STIM1: variants seen among roughly 807,000 people sequenced by gnomAD.
STIM1 encodes the protein stromal interaction molecule 1.
In STIM1, 25 loss-of-function variants were observed where a neutral mutation model predicts 74.7. The ratio of observed to expected loss-of-function variants is 0.33; its 90% CI spans 0.24 to 0.47. The LOEUF (loss-of-function observed/expected upper bound fraction) is 0.47, where lower values mean the gene tolerates loss of function less well. Among genes scored for constraint, STIM1 ranks in the 20% least tolerant of loss-of-function variants. The pLI, the probability that STIM1 is intolerant of heterozygous loss-of-function variation, is 1.00. For synonymous variants in STIM1, 328 were observed against 348.8 expected (o/e 0.94, Z 0.66); for missense variants, 728 against 920.8 (o/e 0.79, Z 2.71).
At chr11:3,992,647 T>C (rs1169853087) in intron 2 of STIM1, among the ~76,000 whole-genome samples, 1 of 152,218 alleles carries the variant, frequency 6.6e-6, no homozygotes, top group Non-Finnish European at 1.5e-5. Flanking sequence ...ATTTTTTTGC[T>C]GTTGTTTCTG....
chr11:4,050,809 A>G (rs2094233743), intron 3 of STIM1, among the ~76,000 whole-genome samples: 1 of 152,206 alleles, frequency 6.6e-6, no homozygotes, highest in South Asian at 2.1e-4. Flanking sequence ...ATTAACACAT[A>G]TTTTATATGT....
At chr11:4,059,513 A>T in intron 5 of STIM1, 117 bp downstream of exon 5, 1 of 756,988 alleles carries the variant, frequency 1.3e-6, no homozygotes, top group Non-Finnish European at 2.3e-6. Flanking sequence ...TAGCACCTAT[A>T]CTATTTCCAC....
chr11:3,987,552 C>A (rs1486926898), intron 2 of STIM1, among the ~76,000 whole-genome samples: 4 of 152,172 alleles, frequency 2.6e-5, no homozygotes, highest in Non-Finnish European at 4.4e-5. Flanking sequence ...AACAGTGGTT[C>A]TTTCCTTCGA....
chr11:4,065,726 A>C (rs2094361263), intron 5 of STIM1, among the ~76,000 whole-genome samples: 1 of 152,310 alleles, frequency 6.6e-6, no homozygotes, highest in Middle Eastern at 3.4e-3. Context: ...GGAGTACCTG[A>C]ATAGCTGAGG....
rs553588834 is a variant in STIM1, at chr11:3,881,857, G to A, written c.139+25448G>A. 1.2e-4 allele frequency among the ~76,000 whole-genome samples: 18 copies of A among 151,746 alleles called. No homozygotes were observed. The East Asian group carries it at 3.5e-3, about 30-fold the overall frequency. ...CTGGCTAATTTTTGTATTTTTACTA[G>A]AGACGGGGTTCGCCATGTTGGCCAA... is the stretch of plus-strand genomic sequence containing the variant. On this transcript the variant is annotated intron_variant, in intron 1 of 12. Coordinates refer to ENST00000526596, the MANE Select transcript of STIM1 (RefSeq NM_001382567.1).
chr11:4,024,140 T>A (rs1168442917), intron 3 of STIM1, among the ~76,000 whole-genome samples, 153 bp downstream of exon 3: 2 of 152,156 alleles, frequency 1.3e-5, no homozygotes, highest in African/African-American at 4.8e-5. Context: ...AAAGACTGAA[T>A]ATAGTCACTC....
chr11:4,029,192 A>T (rs936280195), intron 3 of STIM1, among the ~76,000 whole-genome samples: 13 of 152,078 alleles, frequency 8.5e-5, no homozygotes, highest in African/African-American at 1.9e-4. Context: ...TCCGTCTCAA[A>T]AAATAAATAA....
chr11:4,001,653 T>A (rs1195006111), intron 2 of STIM1, among the ~76,000 whole-genome samples: 1 of 152,120 alleles, frequency 6.6e-6, no homozygotes, highest in African/African-American at 2.4e-5. Context: ...TAAAGACCAT[T>A]GAGATTAGGA....
intron 1 of STIM1, chr11:3,947,837 G>C (rs1034679353): frequency 1.7e-4 from 26 of 152,094 alleles, no homozygotes; most frequent in Non-Finnish European, 2.9e-4. Flanking sequence ...TATTGTATCT[G>C]GGCTTCAGTT....
intron 3 of STIM1, among the ~76,000 whole-genome samples, chr11:4,048,534 C>T (rs779324073): frequency 1.3e-5 from 2 of 152,048 alleles, no homozygotes; most frequent in African/African-American, 2.4e-5. Flanking sequence ...ACTCATTCCT[C>T]CCACCATTTT....
intron 12 of STIM1, among the ~76,000 whole-genome samples, chr11:4,089,454 G>A (rs1366622575): frequency 1.3e-5 from 2 of 152,168 alleles, no homozygotes; most frequent in South Asian, 2.1e-4. Context: ...TTTGGAGAAG[G>A]CAAGATATGG....
intron 3 of STIM1, among the ~76,000 whole-genome samples, chr11:4,044,986 C>G (rs774329672): frequency 6.6e-6 from 1 of 152,244 alleles, no homozygotes; most frequent in Admixed American, 6.5e-5. Context: ...GAAGGATTAT[C>G]TCATCTAAAA....
At position 4,083,386 on chromosome 11, in the gene STIM1, C is replaced by T. The variant is rs778426340; in HGVS notation, c.1362C>T (p.Leu454=). The change falls in exon 10 of 13, where the codon CTC becomes CTT. Residue 454 remains leucine (L), a synonymous_variant. Transcript: ENST00000526596. ...GCATCCACTCACTGGTGGCTGCCCT[C>T]AACATAGACCCCAGCTGGATGGGCA... ...NPGIHSLVAA[L]NIDPSWMGST... The T allele has an allele frequency of 3.7e-6, 6 of 1,614,234 alleles. No homozygotes were observed. The highest frequency in any genetic ancestry group is 2.2e-5 in the South Asian group (2 of 91,086).
intron 7 of STIM1, among the ~76,000 whole-genome samples, 173 bp downstream of exon 7, chr11:4,074,852 C>T (rs754824353): frequency 2.6e-5 from 4 of 152,200 alleles, no homozygotes; most frequent in African/African-American, 7.2e-5. Flanking sequence ...AAAATAGTCA[C>T]TATGGGCCAG....
chr11:4,020,474 T>C (rs1440302260), intron 2 of STIM1, among the ~76,000 whole-genome samples: 2 of 152,250 alleles, frequency 1.3e-5, no homozygotes, highest in South Asian at 2.1e-4. Flanking sequence ...ATTTGTTATT[T>C]TTTTGGTAAT....
intron 6 of STIM1, among the ~76,000 whole-genome samples, chr11:4,073,048 G>GTTTTTTTTTTTTTTT (rs56009858): frequency 1.2e-5 from 1 of 82,802 alleles, no homozygotes; most frequent in African/African-American, 4.2e-5. Flanking sequence ...GGACTTAGAG[G>GTTTTTTTTTTTTTTT]TTTTTTTTTT....
chr11:3,992,133 G>A (rs1281674980), intron 2 of STIM1, among the ~76,000 whole-genome samples: 9 of 108,350 alleles, frequency 8.3e-5, no homozygotes, highest in African/African-American at 1.1e-4. Context: ...ATAACTTTGC[G>A]TCCTGGTATG....
chr11:3,994,467 T>C (rs370337846), intron 2 of STIM1, among the ~76,000 whole-genome samples: 4 of 149,564 alleles, frequency 2.7e-5, no homozygotes, highest in East Asian at 1.9e-4. Flanking sequence ...TTCTTTCTTT[T>C]TTTTTTTTTT....
intron 1 of STIM1, among the ~76,000 whole-genome samples, chr11:3,917,710 AG>A (rs2092666934): frequency 6.6e-6 from 1 of 152,182 alleles, no homozygotes; most frequent in Non-Finnish European, 1.5e-5. Flanking sequence ...TTGGGACTGC[AG>A]GTGTGAGCCA....
Sources: allele counts gnomAD v4.1 joint callset (sites outside exome capture counted in the v4.1 genomes callset), GRCh38; gene constraint gnomAD v4.1.1; transcripts MANE v1.5; gene names NCBI Gene and HGNC (gene_info 2026-07-23, HGNC 2026-07-21).